Variants in UBXN7 observed in about 807,000 individuals in gnomAD.
The protein encoded by UBXN7 is UBX domain-containing protein 7.
Under a neutral mutation model 58.0 loss-of-function variants are expected in UBXN7, and 9 were observed. The ratio of observed to expected loss-of-function variants is 0.16; its 90% CI spans 0.09 to 0.27. UBXN7 has a LOEUF of 0.27. Ranked by LOEUF, UBXN7 falls within the 10% of genes least tolerant of loss-of-function variation. UBXN7 has a pLI of 1.00. For synonymous variants in UBXN7, 208 were observed against 205.0 expected (o/e 1.01, Z -0.12); for missense variants, 328 against 599.6 (o/e 0.55, Z 4.73).
At chr3:196,380,189 G>A (rs961186760) in intron 5 of UBXN7, among the ~76,000 whole-genome samples, 2 of 151,692 alleles carry the variant, frequency 1.3e-5, no homozygotes, top group African/African-American at 4.9e-5. Flanking sequence ...GGTGGAGCGT[G>A]CAGTGAGGCA....
intron 3 of UBXN7, among the ~76,000 whole-genome samples, chr3:196,395,165 T>A (rs1296260217): frequency 1.3e-5 from 2 of 152,152 alleles, no homozygotes; most frequent in Non-Finnish European, 2.9e-5. Context: ...ATGATTAGTA[T>A]CAAGATTAGA....
chr3:196,365,115 T>A (rs1395380034), intron 8 of UBXN7, among the ~76,000 whole-genome samples: 1 of 151,994 alleles, frequency 6.6e-6, no homozygotes, highest in East Asian at 1.9e-4. Context: ...AACTAAAAAA[T>A]TCATTTTACT....
intron 1 of UBXN7, among the ~76,000 whole-genome samples, chr3:196,426,493 A>G (rs1730852052): frequency 6.6e-6 from 1 of 152,108 alleles, no homozygotes; most frequent in Non-Finnish European, 1.5e-5. Flanking sequence ...ACCTTTCCAG[A>G]CACAGAGAAC....
At position 196,376,545 on chromosome 3, in the gene UBXN7, C is replaced by CAAAA. The variant is rs777458391; in HGVS notation, c.469-4507_469-4504dup. Among the ~76,000 whole-genome samples, 148 of 50,840 alleles carry CAAAA rather than the reference C, an allele frequency of 2.9e-3. 7 individuals are homozygous for CAAAA. The highest frequency in any genetic ancestry group is 0.017 in the South Asian group (17 of 994). The allele number at this position is 50,840 out of a possible 152,430, so 33.4% of individuals were successfully genotyped here. A position where few individuals can be genotyped will look rare whatever the true frequency, so the allele number is the denominator to read the frequency against. On this transcript the variant is annotated intron_variant, in intron 5 of 10. Coordinates refer to ENST00000296328, the MANE Select transcript of UBXN7 (RefSeq NM_015562.2). ...TGGGCGACAGAGCGAGACTCTGTCT[C>CAAAA]AAAAAAAAAAAAAAAAAAAAAAAGA...
At position 196,362,306 on chromosome 3, in the gene UBXN7, T is replaced by C. The variant is rs770519232; in HGVS notation, c.1216A>G (p.Ile406Val). 1.2e-6 allele frequency: 2 copies of C among 1,604,008 alleles called. No homozygotes were observed. The highest frequency in any genetic ancestry group is 1.7e-6 in the Non-Finnish European group (2 of 1,176,654). ...AAATGTAACTTACCATTTACATCTA[T>C]CCCCTCCACTACTCCATCTGCTTTT... Reference protein sequence around the residue: ...PEKADGVVEGIDVNGPKAQLM... With the variant: ...PEKADGVVEGVDVNGPKAQLM... Residue 406 changes from isoleucine to valine, a missense_variant, in exon 9 of 11, where the codon ATA (isoleucine) becomes GTA (valine). Coordinates refer to ENST00000296328, the MANE Select transcript of UBXN7 (RefSeq NM_015562.2).
chr3:196,423,888 CTTTTT>C (rs1235337251), intron 1 of UBXN7, among the ~76,000 whole-genome samples: 2 of 131,394 alleles, frequency 1.5e-5, no homozygotes, highest in Non-Finnish European at 1.6e-5. Context: ...TAATTTTTCA[CTTTTT>C]TTTTTTTTTT....
chr3:196,408,161 T>A (rs1317871707), intron 1 of UBXN7, among the ~76,000 whole-genome samples: 1 of 148,816 alleles, frequency 6.7e-6, no homozygotes, highest in East Asian at 2.0e-4. Flanking sequence ...AGATGGAACA[T>A]TTTTTGTCTA....
intron 1 of UBXN7, chr3:196,414,751 C>T (rs1730428960): frequency 6.6e-6 from 1 of 152,174 alleles, no homozygotes; most frequent in South Asian, 2.1e-4. Context: ...CTGCTAGCTG[C>T]TCTGTCTCTC....
At chr3:196,357,665 C>G (rs900304804) in intron 10 of UBXN7, among the ~76,000 whole-genome samples, 8 of 152,004 alleles carry the variant, frequency 5.3e-5, no homozygotes, top group African/African-American at 1.5e-4. Context: ...CGAGACCAGT[C>G]TGGCCAACAT....
At chr3:196,415,499 G>C (rs1336933401) in intron 1 of UBXN7, among the ~76,000 whole-genome samples, 1 of 149,118 alleles carries the variant, frequency 6.7e-6, no homozygotes. Context: ...TCAGCAGGCT[G>C]GGTGCGGTGG....
intron 1 of UBXN7, among the ~76,000 whole-genome samples, chr3:196,420,544 A>C (rs555140144): frequency 1.1e-3 from 173 of 151,680 alleles, no homozygotes; most frequent in Non-Finnish European, 2.1e-3. Context: ...AAAAAAAAAA[A>C]ATTAAATTAA....
At chr3:196,373,169 G>A (rs1162053797) in intron 5 of UBXN7, among the ~76,000 whole-genome samples, 1 of 152,176 alleles carries the variant, frequency 6.6e-6, no homozygotes, top group Non-Finnish European at 1.5e-5. Context: ...CATATATGCT[G>A]TTTTGGAGAA....
chr3:196,371,861 A>G (rs1489550303), intron 6 of UBXN7, 35 bp downstream of exon 6: 14 of 1,595,680 alleles, frequency 8.8e-6, no homozygotes, highest in Non-Finnish European at 1.2e-5. Flanking sequence ...CAAAAGTAAA[A>G]TTCTACAAAA....
chr3:196,379,018 T>C (rs1729117989), intron 5 of UBXN7, among the ~76,000 whole-genome samples: 1 of 134,200 alleles, frequency 7.5e-6, no homozygotes, highest in Admixed American at 7.4e-5. Context: ...AGCCAGCTTC[T>C]TTCCATGTTG....
chr3:196,382,942 C>T (rs1287914495), intron 5 of UBXN7, among the ~76,000 whole-genome samples: 1 of 151,910 alleles, frequency 6.6e-6, no homozygotes, highest in African/African-American at 2.4e-5. Context: ...GGTGAAACCC[C>T]GTCTCTACTA....
At chr3:196,425,705 T>C (rs1730826085) in intron 1 of UBXN7, among the ~76,000 whole-genome samples, 1 of 152,218 alleles carries the variant, frequency 6.6e-6, no homozygotes, top group Non-Finnish European at 1.5e-5. Context: ...TCATTTGGAA[T>C]TATCAATTCC....
chr3:196,427,533 G>C (rs1231781787), intron 1 of UBXN7, among the ~76,000 whole-genome samples: 1 of 152,210 alleles, frequency 6.6e-6, no homozygotes, highest in Non-Finnish European at 1.5e-5. Flanking sequence ...GGCCAGACTG[G>C]TCTGAAGCTC....
At chr3:196,372,815 G>A (rs1347165876) in intron 5 of UBXN7, among the ~76,000 whole-genome samples, 2 of 151,116 alleles carry the variant, frequency 1.3e-5, no homozygotes, top group Non-Finnish European at 1.5e-5. Context: ...GCACGATCTC[G>A]GCTCACTACA....
intron 8 of UBXN7, among the ~76,000 whole-genome samples, chr3:196,365,541 T>A (rs927933850): frequency 6.6e-6 from 1 of 152,088 alleles, no homozygotes; most frequent in Non-Finnish European, 1.5e-5. Context: ...CAGATGGGAC[T>A]ATAGGCACAT....
Sources: allele counts gnomAD v4.1 joint callset (sites outside exome capture counted in the v4.1 genomes callset), GRCh38; gene constraint gnomAD v4.1.1; transcripts MANE v1.5; gene names NCBI Gene and HGNC (gene_info 2026-07-23, HGNC 2026-07-21).